RFFL: variants seen among roughly 807,000 people sequenced by gnomAD.
RFFL encodes the protein E3 ubiquitin-protein ligase rififylin.
Under a neutral mutation model 40.4 loss-of-function variants are expected in RFFL, and 16 were observed. The ratio of observed to expected loss-of-function variants is 0.40; its 90% confidence interval spans 0.27 to 0.60. The LOEUF is 0.60. Ranked by LOEUF, RFFL falls within the 20% of genes least tolerant of loss-of-function variation. The pLI is 0.47. For missense variants in RFFL, 367 were observed against 451.7 expected, an observed-to-expected ratio of 0.81 and a Z score of 1.70; for synonymous variants, 154 against 167.9, an observed-to-expected ratio of 0.92 and a Z score of 0.64.
chr17:35,047,582 T>TA (rs953248034), intron 1 of RFFL, among the ~76,000 whole-genome samples: 14 of 152,116 alleles, frequency 9.2e-5, no homozygotes, highest in African/African-American at 3.4e-4. Context: ...TTAAGGTTCT[T>TA]AACTTTTTTA....
chr17:35,030,154 G>A (rs1248401600), intron 1 of RFFL, among the ~76,000 whole-genome samples: 13 of 149,782 alleles, frequency 8.7e-5, no homozygotes, highest in Admixed American at 2.7e-4. Flanking sequence ...ATAAACATAC[G>A]TGTGCATGTG....
chr17:35,012,560 C>A (rs1029838111), intron 6 of RFFL, among the ~76,000 whole-genome samples: 1 of 152,170 alleles, frequency 6.6e-6, no homozygotes, highest in East Asian at 1.9e-4. Context: ...AAAACTGGTT[C>A]AGAAAAGTTT....
At chr17:35,078,273 T>A (rs1054484268) in intron 1 of RFFL, among the ~76,000 whole-genome samples, 1 of 152,230 alleles carries the variant, frequency 6.6e-6, no homozygotes, top group African/African-American at 2.4e-5. Context: ...ACGATTTGTA[T>A]GTAATCTCCA....
chr17:35,030,376 T>C (rs1404824284), intron 1 of RFFL, among the ~76,000 whole-genome samples: 1 of 151,460 alleles, frequency 6.6e-6, no homozygotes, highest in African/African-American at 2.4e-5. Flanking sequence ...TTTTTAATGA[T>C]TGCCATTCTA....
intron 1 of RFFL, among the ~76,000 whole-genome samples, chr17:35,032,012 G>A (rs1266069088): frequency 6.6e-6 from 1 of 151,180 alleles, no homozygotes; most frequent in Non-Finnish European, 1.5e-5. Flanking sequence ...GGAGAATGGC[G>A]TGAACCCAGG....
intron 4 of RFFL, 102 bp downstream of exon 4, chr17:35,017,421 C>A: frequency 2.6e-6 from 2 of 764,200 alleles, no homozygotes; most frequent in Non-Finnish European, 4.6e-6. Context: ...GAAGCACTAT[C>A]ATCACACATT....
chr17:35,060,838 G>A (rs2091287113), intron 1 of RFFL, among the ~76,000 whole-genome samples: 1 of 151,550 alleles, frequency 6.6e-6, no homozygotes, highest in Admixed American at 6.6e-5. Context: ...CTAGTCCAGG[G>A]ACACCAAGTT....
chr17:35,054,693 T>C (rs1375275484), intron 1 of RFFL, among the ~76,000 whole-genome samples: 2 of 152,134 alleles, frequency 1.3e-5, no homozygotes, highest in Non-Finnish European at 2.9e-5. Flanking sequence ...GATGTCCTGA[T>C]AGGGCTTTCC....
chr17:35,072,933 C>T (rs2091358339), intron 1 of RFFL, among the ~76,000 whole-genome samples: 1 of 151,488 alleles, frequency 6.6e-6, no homozygotes, highest in African/African-American at 2.4e-5. Flanking sequence ...ATCTCAGCTA[C>T]TCAAGAGGCT....
rs1162537980 is a variant in RFFL at position 35,039,771 on chromosome 17, G to A, written c.-8-13210C>T. On this transcript the variant is annotated intron_variant, in intron 1 of 6. Transcript: ENST00000394597. ...CAGTTCACTGCAACCTCTGCCTCCCGGGTTCAAGCAATTCTCCTGCCTCAG... is the reference window on the plus strand; with the variant it reads ...CAGTTCACTGCAACCTCTGCCTCCCAGGTTCAAGCAATTCTCCTGCCTCAG... 4.0e-5 allele frequency among the ~76,000 whole-genome samples: 6 copies of A among 151,386 alleles called. No homozygotes were observed. In the South Asian group the frequency reaches 1.3e-3, roughly 32 times the overall value.
chr17:35,062,207 A>G (rs2142369249), intron 1 of RFFL, among the ~76,000 whole-genome samples: 1 of 152,078 alleles, frequency 6.6e-6, no homozygotes, highest in South Asian at 2.1e-4. Context: ...GATCGAGACC[A>G]TCCTCGCCAA....
chr17:35,056,375 CTTTT>C (rs71147455), intron 1 of RFFL, among the ~76,000 whole-genome samples: 6 of 120,718 alleles, frequency 5.0e-5, no homozygotes, highest in African/African-American at 1.0e-4. Flanking sequence ...TTTACTTCTA[CTTTT>C]TTTTTTTTTT....
chr17:35,006,904 G>A lies in RFFL; in HGVS notation c.*5064C>T, dbSNP rs1195455174. ...GGGAGTAGGGACAGCACGGGGGAGG[G>A]GTTTACTTTCCTGACTCTAGCCCAG... is the stretch of plus-strand genomic sequence containing the variant. On this transcript the variant is annotated 3_prime_UTR_variant, in exon 7 of 7. Transcript: ENST00000394597. 66 of 152,396 alleles carry A rather than the reference G, an allele frequency of 4.3e-4. No homozygotes were observed. 9.4% of individuals were successfully genotyped at this position (152,396 alleles called of 1,614,324 possible). A position where few individuals can be genotyped will look rare whatever the true frequency, so the allele number is the denominator to read the frequency against.
intron 1 of RFFL, among the ~76,000 whole-genome samples, chr17:35,088,295 C>T (rs1272793623): frequency 8.5e-5 from 13 of 152,150 alleles, no homozygotes; most frequent in Non-Finnish European, 1.5e-4. Context: ...CTGGGGGGTG[C>T]ACGGTACACT....
At chr17:35,045,743 G>A (rs2091195717) in intron 1 of RFFL, among the ~76,000 whole-genome samples, 1 of 151,958 alleles carries the variant, frequency 6.6e-6, no homozygotes, top group Non-Finnish European at 1.5e-5. Context: ...TGCACAATTG[G>A]CGAGGCACAG....
intron 1 of RFFL, among the ~76,000 whole-genome samples, chr17:35,039,955 A>G (rs71381410): frequency 0.025 from 3,822 of 152,080 alleles, 167 homozygotes; most frequent in African/African-American, 0.086. Flanking sequence ...GATTACAGGC[A>G]TGAGCCACCG....
chr17:35,030,642 C>T (rs1232948457), intron 1 of RFFL, among the ~76,000 whole-genome samples: 1 of 151,398 alleles, frequency 6.6e-6, no homozygotes, highest in Non-Finnish European at 1.5e-5. Flanking sequence ...GTCATATTGC[C>T]CAGGCTGGTC....
chr17:35,084,279 A>G (rs1425392556), intron 1 of RFFL, among the ~76,000 whole-genome samples: 1 of 152,100 alleles, frequency 6.6e-6, no homozygotes, highest in East Asian at 1.9e-4. Context: ...TTTTGAAAAT[A>G]AAGATGCAAG....
intron 1 of RFFL, among the ~76,000 whole-genome samples, chr17:35,073,328 C>G (rs2091360448): frequency 6.6e-6 from 1 of 152,174 alleles, no homozygotes; most frequent in South Asian, 2.1e-4. Flanking sequence ...TGAATGAACT[C>G]TCACTGCAAT....
Sources: gnomAD v4.1 joint callset for allele counts (sites outside exome capture counted in the v4.1 genomes callset) on GRCh38, gnomAD v4.1.1 for gene constraint, MANE v1.5 for transcripts, NCBI Gene and HGNC (gene_info 2026-07-23, HGNC 2026-07-21) for gene names.